The following AP2B1 variants were observed in gnomAD, a reference collection of about 807,000 sequenced individuals.
The protein encoded by AP2B1 is AP-2 complex subunit beta.
A neutral mutation model predicts 102.0 loss-of-function variants in AP2B1; 23 were observed. That is an observed-to-expected ratio of 0.23 (90% confidence interval 0.16 to 0.32). AP2B1 has a LOEUF of 0.32. Ranked by LOEUF, AP2B1 falls within the 10% of genes least tolerant of loss-of-function variation. AP2B1 has a pLI of 1.00. For synonymous variants in AP2B1, 381 were observed against 421.2 expected, an observed-to-expected ratio of 0.90 and a Z score of 1.17; for missense variants, 541 against 1,157.4, an observed-to-expected ratio of 0.47 and a Z score of 7.73.
chr17:35,620,901 T>C (rs1226742501), intron 5 of AP2B1, among the ~76,000 whole-genome samples: 5 of 152,242 alleles, frequency 3.3e-5, no homozygotes. Context: ...TCTGTCAGTA[T>C]TTCCTAAGAG....
chr17:35,652,255 A>G (rs574316655), intron 13 of AP2B1, among the ~76,000 whole-genome samples: 84 of 152,304 alleles, frequency 5.5e-4, no homozygotes, highest in African/African-American at 1.9e-3. Flanking sequence ...GTACAGGGAA[A>G]ATCTGTTTTG....
intron 13 of AP2B1, among the ~76,000 whole-genome samples, chr17:35,651,664 G>A (rs138704020): frequency 8.4e-4 from 127 of 152,064 alleles, no homozygotes; most frequent in African/African-American, 2.4e-3. Flanking sequence ...ACAAATTGGC[G>A]TGGTCAGCAT....
chr17:35,593,993 TTTCTC>T lies in AP2B1; in HGVS notation c.-23-12_-23-8del. ...TCTATAACCTGAATGAAGGAATTCTTTTCTCTTGCTATAGGTGCACATTAAAGATC... is the reference window on the plus strand; with the variant it reads ...TCTATAACCTGAATGAAGGAATTCTTTTGCTATAGGTGCACATTAAAGATC... On this transcript the variant is annotated splice_polypyrimidine_tract_variant and intron_variant, in intron 1 of 21. Transcript: ENST00000610402. 1 of 1,489,694 alleles carries T rather than the reference TTTCTC, an allele frequency of 6.7e-7. No homozygotes were observed. Among genetic ancestry groups the T allele is most frequent in the South Asian group, 1.3e-5 (1 of 77,390 alleles). 92.3% of individuals were successfully genotyped at this position (1,489,694 alleles called of 1,614,324 possible). A position where few individuals can be genotyped will look rare whatever the true frequency, so the allele number is the denominator to read the frequency against.
intron 5 of AP2B1, among the ~76,000 whole-genome samples, chr17:35,619,117 G>C (rs2142506676): frequency 6.6e-6 from 1 of 152,320 alleles, no homozygotes. Flanking sequence ...CTTGAGTTCA[G>C]ATTCAAGCAG....
chr17:35,660,280 G>A lies in AP2B1; in HGVS notation c.1989+2489G>A, dbSNP rs116138950. Among the ~76,000 whole-genome samples the A allele has an allele frequency of 4.6e-3, 706 of 152,132 alleles. 5 individuals carry two copies. The highest frequency in any genetic ancestry group is 0.016 in the African/African-American group (666 of 41,512). On this transcript the variant is annotated intron_variant, in intron 14 of 21. Transcript: ENST00000610402. ...ACAGGTGTGTGAGCCAGCACACTGA[G>A]CCTGCAAGAGATGATTTAGTTGGTC...
intron 3 of AP2B1, among the ~76,000 whole-genome samples, chr17:35,604,674 C>T (rs1050251535): frequency 1.3e-5 from 2 of 152,098 alleles, no homozygotes; most frequent in African/African-American, 4.8e-5. Context: ...ATTAGAATTG[C>T]TTGAACTGGG....
intron 3 of AP2B1, among the ~76,000 whole-genome samples, chr17:35,601,834 A>G (rs992488892): frequency 3.3e-5 from 5 of 150,764 alleles, no homozygotes; most frequent in Admixed American, 2.6e-4. Context: ...CTGCAGCGCA[A>G]TGGCGTGATC....
chr17:35,620,373 T>G (rs1366814483), intron 5 of AP2B1, among the ~76,000 whole-genome samples: 1 of 151,880 alleles, frequency 6.6e-6, no homozygotes, highest in Non-Finnish European at 1.5e-5. Flanking sequence ...CATCTGCTAG[T>G]TCAAGATTAC....
At chr17:35,590,880 T>A (rs903662979) in intron 1 of AP2B1, among the ~76,000 whole-genome samples, 2 of 152,086 alleles carry the variant, frequency 1.3e-5, no homozygotes, top group Non-Finnish European at 2.9e-5. Flanking sequence ...TTTAATAGAA[T>A]GTAGTGAAAA....
intron 17 of AP2B1, among the ~76,000 whole-genome samples, chr17:35,676,534 T>C (rs1288710850): frequency 6.6e-6 from 1 of 152,212 alleles, no homozygotes; most frequent in Non-Finnish European, 1.5e-5. Flanking sequence ...GTTTGGTTGT[T>C]TTCAGTTTCA....
intron 18 of AP2B1, among the ~76,000 whole-genome samples, chr17:35,690,916 C>A (rs941379237): frequency 6.6e-6 from 1 of 152,110 alleles, no homozygotes; most frequent in Non-Finnish European, 1.5e-5. Context: ...TTCCTTCCTG[C>A]GATACAACTT....
chr17:35,648,773 T>A (rs1388273015), intron 12 of AP2B1, among the ~76,000 whole-genome samples: 1 of 148,948 alleles, frequency 6.7e-6, no homozygotes, highest in East Asian at 2.0e-4. Context: ...TGTGTGTGTG[T>A]GACCCATCTG....
chr17:35,620,983 C>G (rs2074159581), intron 5 of AP2B1, among the ~76,000 whole-genome samples: 1 of 152,090 alleles, frequency 6.6e-6, no homozygotes, highest in African/African-American at 2.4e-5. Context: ...AGTAATAGTT[C>G]AAATGAAAGA....
intron 18 of AP2B1, among the ~76,000 whole-genome samples, chr17:35,708,560 T>A (rs2076389420): frequency 6.6e-6 from 1 of 152,216 alleles, no homozygotes; most frequent in South Asian, 2.1e-4. Flanking sequence ...GGTTTTTTGT[T>A]CTTATAGTCA....
In AP2B1 at chr17:35,638,907, A is replaced by T. The variant is rs187131824; in HGVS notation, c.1272-688A>T. On this transcript the variant is annotated intron_variant, in intron 10 of 21. Transcript: ENST00000610402. ...TGTTGTCTAACTTCATTTGCCTAAA[A>T]ATAAAGTGGAATTTCTGTTCCTCTC... Among the ~76,000 whole-genome samples, 6 of 152,298 alleles carry T rather than the reference A, an allele frequency of 3.9e-5. No homozygotes were observed. In the East Asian group the frequency reaches 1.2e-3, roughly 29 times the overall value.
intron 14 of AP2B1, among the ~76,000 whole-genome samples, chr17:35,661,132 T>A (rs2075349404): frequency 6.6e-6 from 1 of 152,072 alleles, no homozygotes; most frequent in Non-Finnish European, 1.5e-5. Context: ...GCTAACAAAG[T>A]ATTGCCTGGT....
chr17:35,607,988 C>G (rs1325678171), intron 4 of AP2B1, 154 bp from the exon 5 acceptor site: 2 of 883,700 alleles, frequency 2.3e-6, no homozygotes, highest in African/African-American at 1.7e-5. Flanking sequence ...AAGATTTGTA[C>G]TTAGGAAAGG....
chr17:35,641,865 ATG>A lies in AP2B1; in HGVS notation c.1438-10_1438-9del. On this transcript the variant is annotated splice_polypyrimidine_tract_variant and intron_variant, in intron 11 of 21. Transcript: ENST00000610402. ...CCATTCTTTCACACTATCACAAATTATGTCTGTTTAGGTGCAGCTCACTCTGC... is the reference window on the plus strand; with the variant it reads ...CCATTCTTTCACACTATCACAAATTATCTGTTTAGGTGCAGCTCACTCTGC... 6.3e-7 allele frequency: 1 copy of A among 1,589,532 alleles called. No homozygotes were observed. Among genetic ancestry groups the A allele is most frequent in the Non-Finnish European group, 8.6e-7 (1 of 1,161,166 alleles).
At chr17:35,654,954 G>C (rs2075180342) in intron 13 of AP2B1, among the ~76,000 whole-genome samples, 1 of 152,098 alleles carries the variant, frequency 6.6e-6, no homozygotes, top group Admixed American at 6.5e-5. Context: ...TGCTAGCGGT[G>C]ATGTTTTTGG....
Sources: gnomAD v4.1 joint callset for allele counts (sites outside exome capture counted in the v4.1 genomes callset) on GRCh38, gnomAD v4.1.1 for gene constraint, MANE v1.5 for transcripts, NCBI Gene and HGNC (gene_info 2026-07-23, HGNC 2026-07-21) for gene names.